Variants in THNSL2 observed in about 807,000 individuals in gnomAD.
The protein encoded by THNSL2 is threonine synthase like 2, also known as threonine synthase-like 2.
THNSL2 carries 34 observed loss-of-function variants against 40.0 expected under a neutral mutation model. That is an observed-to-expected ratio of 0.85 (90% CI 0.65 to 1.13). The LOEUF is 1.13. THNSL2 is among the 50% of genes most tolerant of loss of function. The pLI is 0.00. For missense variants in THNSL2, 537 were observed against 608.8 expected (o/e 0.88, Z 1.24); for synonymous variants, 241 against 247.5 (o/e 0.97, Z 0.25).
chr2:88,181,085 C>T (rs61587957), intron 5 of THNSL2, among the ~76,000 whole-genome samples: 23,694 of 54,856 alleles, frequency 0.43, 5,738 homozygotes, highest in South Asian at 0.6. Flanking sequence ...GTCATTCCCA[C>T]GCTCGCTCTC....
intron 2 of THNSL2, 41 bp downstream of exon 2, chr2:88,173,414 C>G (rs1332938630): frequency 6.8e-7 from 1 of 1,470,386 alleles, no homozygotes; most frequent in Admixed American, 1.9e-5. Context: ...CCAGCCCCTG[C>G]CAGCTCAGTC....
intron 7 of THNSL2, among the ~76,000 whole-genome samples, chr2:88,184,106 C>G (rs1405952765): frequency 6.6e-6 from 1 of 152,188 alleles, no homozygotes; most frequent in African/African-American, 2.4e-5. Flanking sequence ...AAGTTGGATG[C>G]AGTTCTCTAG....
chr2:88,184,418 A>G (rs1444906867), intron 7 of THNSL2, among the ~76,000 whole-genome samples: 3 of 152,174 alleles, frequency 2.0e-5, no homozygotes, highest in African/African-American at 7.2e-5. Context: ...GACAAGTAAA[A>G]TACATTCATT....
intron 5 of THNSL2, among the ~76,000 whole-genome samples, chr2:88,180,440 C>T (rs766901463): frequency 2.6e-5 from 4 of 152,036 alleles, no homozygotes; most frequent in African/African-American, 4.8e-5. Flanking sequence ...GGTGTGGTGG[C>T]GCATGCCTGT....
intron 1 of THNSL2, 27 bp downstream of exon 1, chr2:88,170,483 C>T (rs1239592453): frequency 6.6e-6 from 1 of 151,482 alleles, no homozygotes; most frequent in Non-Finnish European, 1.5e-5. Flanking sequence ...TCGCCGCCCT[C>T]CCGGGGTCGT....
At chr2:88,183,830 C>T (rs1677969997) in intron 7 of THNSL2, 1 of 151,880 alleles carries the variant, frequency 6.6e-6, no homozygotes, top group South Asian at 2.1e-4. Flanking sequence ...ATTTTCTCTA[C>T]CACATTCCCA....
In THNSL2 at chr2:88,178,975, A is replaced by C. The variant is rs763320954; in HGVS notation, c.764A>C (p.Glu255Ala). Residue 255 changes from glutamate to alanine, a missense_variant, in exon 5 of 9, where the codon GAG becomes GCG. Transcript: ENST00000674334. ...GACACACATCCCCTACCCCTGGTGGAGGTGGTTGTGCCAACAGGGGCTGCC... is the reference window on the plus strand; with the variant it reads ...GACACACATCCCCTACCCCTGGTGGCGGTGGTTGTGCCAACAGGGGCTGCC... ...SLDTHPLPLV[E>A]VVVPTGAAGN... is the part of the protein sequence containing the mutation. 6.2e-7 allele frequency: 1 copy of C among 1,614,122 alleles called. No individual in the cohort carries two copies. The highest frequency in any genetic ancestry group is 2.2e-5 in the East Asian group (1 of 44,884).
At chr2:88,181,551 CCT>C (rs1173430037) in intron 5 of THNSL2, among the ~76,000 whole-genome samples, 1 of 83,524 alleles carries the variant, frequency 1.2e-5, no homozygotes, top group Non-Finnish European at 2.4e-5. Flanking sequence ...CTCTCTCTCC[CCT>C]CTCTCTCCTC....
intron 5 of THNSL2, among the ~76,000 whole-genome samples, 177 bp downstream of exon 5, chr2:88,179,190 C>T (rs556378114): frequency 6.6e-6 from 1 of 152,342 alleles, no homozygotes; most frequent in East Asian, 1.9e-4. Context: ...CCTGGGGCAG[C>T]ATCCTGGGAT....
intron 5 of THNSL2, among the ~76,000 whole-genome samples, chr2:88,180,232 T>C (rs955665336): frequency 6.6e-6 from 1 of 152,236 alleles, no homozygotes; most frequent in Admixed American, 6.5e-5. Flanking sequence ...CCATCTTTGC[T>C]CTGTCAGGAA....
At chr2:88,183,109 G>C (rs1408482423) in intron 7 of THNSL2, 36 bp downstream of exon 7, 1 of 1,599,106 alleles carries the variant, frequency 6.3e-7, no homozygotes, top group Non-Finnish European at 8.5e-7. Flanking sequence ...AGAAAGGAAA[G>C]GGTACAGCCA....
chr2:88,185,758 A>C lies in THNSL2; in HGVS notation c.1230-140A>C. 7 of 1,546,394 alleles carry C rather than the reference A, an allele frequency of 4.5e-6. No individual in the cohort carries two copies. The South Asian group carries it at 8.4e-5, about 19-fold the overall frequency. ...ATTGTAGCAATAAGTTCAAGGTGCCAATTGTCTGTCTGTGTCTCTGTCCTC... is the reference window on the plus strand; with the variant it reads ...ATTGTAGCAATAAGTTCAAGGTGCCCATTGTCTGTCTGTGTCTCTGTCCTC... On this transcript the variant is annotated intron_variant, in intron 8 of 8. Coordinates refer to ENST00000674334, the MANE Select transcript of THNSL2 (RefSeq NM_018271.5).
chr2:88,186,357 C>T lies in THNSL2; in HGVS notation c.*234C>T, dbSNP rs552364673. ...GGAAGCACCCCCTCCCTCCCCGGCC[C>T]GTGCAGCAGTGTCTGAGCTGTAGTG... On this transcript the variant is annotated 3_prime_UTR_variant, in exon 9 of 9. Transcript: ENST00000674334. 151 of 559,976 alleles carry T rather than the reference C, an allele frequency of 2.7e-4. 2 individuals are homozygous for T. Among genetic ancestry groups the T allele is most frequent in the African/African-American group, 1.0e-3 (54 of 53,138 alleles). The allele number at this position is 559,976 out of a possible 1,614,324, so 34.7% of individuals were successfully genotyped here.
intron 7 of THNSL2, chr2:88,183,310 T>A (rs1184999493): frequency 1.3e-5 from 6 of 449,156 alleles, no homozygotes; most frequent in African/African-American, 3.9e-5. Flanking sequence ...ATTGGGCTAG[T>A]TTCCTAAACT....
chr2:88,174,854 C>T lies in THNSL2; in HGVS notation c.418+21C>T, dbSNP rs62157022. 330 of 1,611,036 alleles carry T rather than the reference C, an allele frequency of 2.0e-4. 1 individual carries two copies. The East Asian group carries it at 7.0e-3, about 34-fold the overall frequency. ...TGTAGGTGTGTTTTTGGGGCACAAACGCAGAATACCTGAGTGCTGTGACTG... is the reference window on the plus strand; with the variant it reads ...TGTAGGTGTGTTTTTGGGGCACAAATGCAGAATACCTGAGTGCTGTGACTG... On this transcript the variant is annotated intron_variant, in intron 3 of 8. Transcript: ENST00000674334.
rs766528096 is a variant in THNSL2, at chr2:88,186,052, C to G, written c.1384C>G (p.Leu462Val). 1 of 1,590,868 alleles carries G rather than the reference C, an allele frequency of 6.3e-7. No individual in the cohort carries two copies. The highest frequency in any genetic ancestry group is 1.1e-5 in the South Asian group (1 of 87,196). Residue 462 changes from leucine (L) to valine (V), a missense_variant, in exon 9 of 9, where the codon CTG (leucine) becomes GTG (valine). Leu to Val is a conservative substitution (Grantham distance 32, BLOSUM62 1). Transcript: ENST00000674334. ...GATGCGGAGAGGTGACAACTGGATGCTGATGCTTCGGGACACCATTGAGGA... is the reference window on the plus strand; with the variant it reads ...GATGCGGAGAGGTGACAACTGGATGGTGATGCTTCGGGACACCATTGAGGA... ...TLMRRGDNWM[L>V]MLRDTIEDLS...
intron 5 of THNSL2, among the ~76,000 whole-genome samples, chr2:88,182,291 G>T (rs964985596): frequency 2.6e-5 from 4 of 152,082 alleles, no homozygotes; most frequent in South Asian, 2.1e-4. Flanking sequence ...CTGTCTTTTT[G>T]ATTCCAGCCA....
At chr2:88,185,869 C>T (rs536358259) in intron 8 of THNSL2, 29 bp from the exon 9 acceptor site, 1 of 1,568,356 alleles carries the variant, frequency 6.4e-7, no homozygotes, top group South Asian at 1.2e-5. Context: ...TCATTGTCCT[C>T]CGGGTGCCAC....
intron 2 of THNSL2, 57 bp from the exon 3 acceptor site, chr2:88,174,582 G>C: frequency 6.5e-7 from 1 of 1,550,218 alleles, no homozygotes; most frequent in Non-Finnish European, 8.8e-7. Flanking sequence ...AGACTGAGAG[G>C]GAACTTGAGA....
Sources: allele counts gnomAD v4.1 joint callset (sites outside exome capture counted in the v4.1 genomes callset), GRCh38; gene constraint gnomAD v4.1.1; transcripts MANE v1.5; gene names NCBI Gene and HGNC (gene_info 2026-07-23, HGNC 2026-07-21).